Variants in EPS8 observed in about 807,000 individuals in gnomAD.
EPS8 encodes the protein epidermal growth factor receptor kinase substrate 8.
Under a neutral mutation model 103.8 loss-of-function variants are expected in EPS8, and 42 were observed. That is an observed-to-expected ratio of 0.40 (90% CI 0.32 to 0.52). EPS8 has a LOEUF of 0.52. EPS8 is among the 20% of genes least tolerant of loss of function. The pLI is 0.40. For missense variants in EPS8, 969 were observed against 1,005.1 expected, an observed-to-expected ratio of 0.96 and a Z score of 0.49; for synonymous variants, 344 against 344.6, an observed-to-expected ratio of 1.00 and a Z score of 0.02.
At position 15,780,469 on chromosome 12, in the gene EPS8, T is replaced by C. The variant is rs1404848221; in HGVS notation, c.-22+8692A>G. 7.6e-6 allele frequency: 1 copy of C among 131,386 alleles called. No homozygotes were observed. Among genetic ancestry groups the C allele is most frequent in the African/African-American group, 2.7e-5 (1 of 36,862 alleles). 8.1% of individuals were successfully genotyped at this position (131,386 alleles called of 1,614,324 possible). ...CACAGTGAGGCTCTCCTTTCTGCTA[T>C]GTGCTGGGATAAACACACACACACA... is the stretch of plus-strand genomic sequence containing the variant. On this transcript the variant is annotated intron_variant, in intron 1 of 20. Coordinates refer to ENST00000281172, the MANE Select transcript of EPS8 (RefSeq NM_004447.6). The surrounding 1 kb of genome is among the most constrained non-coding windows in gnomAD (Gnocchi z 4.1).
At chr12:15,648,576 AT>A (rs1432622217) in intron 14 of EPS8, among the ~76,000 whole-genome samples, 1 of 152,202 alleles carries the variant, frequency 6.6e-6, no homozygotes, top group Non-Finnish European at 1.5e-5. Flanking sequence ...TCAGTTTATC[AT>A]TTCCCTGGGA....
In EPS8 at chr12:15,728,981, C is replaced by T. The variant is rs1946683951; in HGVS notation, c.-21-46009G>A. Among the ~76,000 whole-genome samples, 3 of 152,304 alleles carry T rather than the reference C, an allele frequency of 2.0e-5. No individual in the cohort carries two copies. The highest frequency in any genetic ancestry group is 4.1e-4 in the South Asian group (2 of 4,822). ...TCTTTTGTCTGAGAAAGTCTTTACT[C>T]CTCCTTCACTTTTGAAGGATAATTT... On this transcript the variant is annotated intron_variant, in intron 1 of 20. Coordinates refer to ENST00000281172, the MANE Select transcript of EPS8 (RefSeq NM_004447.6). This position sits in a 1 kb window ranked among gnomAD's most constrained non-coding sequence, Gnocchi z 4.5.
intron 3 of EPS8, among the ~76,000 whole-genome samples, chr12:15,675,312 G>A (rs1945884366): frequency 6.6e-6 from 1 of 152,162 alleles, no homozygotes; most frequent in Admixed American, 6.5e-5. Context: ...GTTAAAATAA[G>A]ACTTAAGGCC....
chr12:15,671,035 G>C (rs1945807115), intron 3 of EPS8, 112 bp from the exon 4 acceptor site: 1 of 657,318 alleles, frequency 1.5e-6, no homozygotes, highest in South Asian at 2.3e-5. Flanking sequence ...AAATACAGTA[G>C]CTGACAAGTT....
In EPS8 at chr12:15,781,929, C is replaced by T. The variant is rs770642487; in HGVS notation, c.-22+7232G>A. 1 of 152,184 alleles carries T rather than the reference C, an allele frequency of 6.6e-6. No homozygotes were observed. The highest frequency in any genetic ancestry group is 2.1e-4 in the South Asian group (1 of 4,824). 9.4% of individuals were successfully genotyped at this position (152,184 alleles called of 1,614,324 possible). ...ACCAGTCCCACTCCCATGATAACCCCTTAATCCATTAATTCATGAATGGAT... is the reference window on the plus strand; with the variant it reads ...ACCAGTCCCACTCCCATGATAACCCTTTAATCCATTAATTCATGAATGGAT... On this transcript the variant is annotated intron_variant, in intron 1 of 20. Coordinates refer to ENST00000281172, the MANE Select transcript of EPS8 (RefSeq NM_004447.6). The surrounding 1 kb of genome is among the most constrained non-coding windows in gnomAD (Gnocchi z 4.1).
intron 7 of EPS8, 128 bp downstream of exon 7, chr12:15,666,312 A>C (rs1051057914): frequency 2.1e-5 from 14 of 661,370 alleles, no homozygotes; most frequent in Non-Finnish European, 3.0e-5. Flanking sequence ...AAATGTGTTG[A>C]GACTACAGGT....
chr12:15,640,922 C>T, intron 16 of EPS8, 76 bp from the exon 17 acceptor site: 1 of 1,378,660 alleles, frequency 7.3e-7, no homozygotes, highest in Non-Finnish European at 1.0e-6. Flanking sequence ...TAGACTTCAA[C>T]AAAGAAAATT....
At chr12:15,703,447 G>A (rs2135941592) in intron 1 of EPS8, among the ~76,000 whole-genome samples, 1 of 152,254 alleles carries the variant, frequency 6.6e-6, no homozygotes, top group East Asian at 1.9e-4. Flanking sequence ...ACAGTGAGGA[G>A]TGCACCAGTT....
In EPS8 at chr12:15,764,693, G is replaced by A. The variant is rs1003488570; in HGVS notation, c.-22+24468C>T. 3.9e-5 allele frequency among the ~76,000 whole-genome samples: 6 copies of A among 152,040 alleles called. No homozygotes were observed. Among genetic ancestry groups the A allele is most frequent in the Admixed American group, 2.0e-4 (3 of 15,262 alleles). On this transcript the variant is annotated intron_variant, in intron 1 of 20. Transcript: ENST00000281172. This position sits in a 1 kb window ranked among gnomAD's most constrained non-coding sequence, Gnocchi z 4.1. ...TTTTCAGTCAATAACTATGTCTGAC[G>A]TCAGCAATTCTGAGGTGCTAGATCT...
intron 14 of EPS8, among the ~76,000 whole-genome samples, chr12:15,649,968 T>A (rs1352265645): frequency 6.6e-6 from 1 of 152,194 alleles, no homozygotes. Context: ...CTAGATCTCA[T>A]TCACCTAACT....
At chr12:15,670,348 T>C (rs1565491384) in intron 4 of EPS8, among the ~76,000 whole-genome samples, 1 of 152,136 alleles carries the variant, frequency 6.6e-6, no homozygotes, top group Non-Finnish European at 1.5e-5. Flanking sequence ...ATGCTTGACA[T>C]AGGTAGAAAA....
chr12:15,622,076 G>A (rs1030253149), intron 20 of EPS8, among the ~76,000 whole-genome samples: 3 of 152,178 alleles, frequency 2.0e-5, no homozygotes, highest in African/African-American at 7.2e-5. Context: ...AGACCATCCT[G>A]AAGTGGGTGG....
chr12:15,694,568 TC>T (rs5796645), intron 1 of EPS8, among the ~76,000 whole-genome samples: 108,908 of 151,978 alleles, frequency 0.72, 40,337 homozygotes, highest in East Asian at 0.9. Context: ...CTTTATCCAT[TC>T]TTTATTAATT....
At chr12:15,680,765 G>A (rs893675874) in intron 3 of EPS8, among the ~76,000 whole-genome samples, 2 of 152,086 alleles carry the variant, frequency 1.3e-5, no homozygotes, top group African/African-American at 4.8e-5. Context: ...GAGGGCACTG[G>A]AAGTAAGATC....
At chr12:15,722,322 T>C (rs1354310181) in intron 1 of EPS8, among the ~76,000 whole-genome samples, 1 of 151,876 alleles carries the variant, frequency 6.6e-6, no homozygotes, top group Non-Finnish European at 1.5e-5. Flanking sequence ...TTTTAAACAA[T>C]TACCCCCCCC....
chr12:15,667,497 A>C (rs553660189), intron 6 of EPS8, among the ~76,000 whole-genome samples: 7 of 152,276 alleles, frequency 4.6e-5, no homozygotes, highest in Non-Finnish European at 1.0e-4. Context: ...TCTGTTACAT[A>C]GGATACTAAA....
At chr12:15,744,492 C>T (rs556007263) in intron 1 of EPS8, among the ~76,000 whole-genome samples, 3 of 152,176 alleles carry the variant, frequency 2.0e-5, no homozygotes, top group Non-Finnish European at 4.4e-5. Flanking sequence ...ATATTTGCTG[C>T]CTAAAGCACC....
chr12:15,732,692 AC>A (rs2135995432), intron 1 of EPS8: 1 of 750,478 alleles, frequency 1.3e-6, no homozygotes, highest in Non-Finnish European at 1.6e-6. Context: ...CTAAGAAACA[AC>A]ATTTCTTAAA....
Position 15,688,991 on chromosome 12 carries a change from T to C in EPS8, c.-21-6019A>G, listed in dbSNP as rs1335028921. ...GCCAGTCTGCATGCTCCCCTAGAGGTCTGAGCAGCGGGGCACTGAAGAAAC... is the reference window on the plus strand; with the variant it reads ...GCCAGTCTGCATGCTCCCCTAGAGGCCTGAGCAGCGGGGCACTGAAGAAAC... On this transcript the variant is annotated intron_variant, in intron 1 of 20. Transcript: ENST00000281172. The surrounding 1 kb of genome is among the most constrained non-coding windows in gnomAD (Gnocchi z 5.1). 6.6e-6 allele frequency among the ~76,000 whole-genome samples: 1 copy of C among 152,056 alleles called. No homozygotes were observed. Among genetic ancestry groups the C allele is most frequent in the Non-Finnish European group, 1.5e-5 (1 of 68,018 alleles).
Sources: allele counts gnomAD v4.1 joint callset (sites outside exome capture counted in the v4.1 genomes callset), GRCh38; gene constraint gnomAD v4.1.1; non-coding constraint Gnocchi (gnomAD v3.1); transcripts MANE v1.5; gene names NCBI Gene and HGNC (gene_info 2026-07-23, HGNC 2026-07-21).